The following TNFRSF10C variants were observed in gnomAD, a reference collection of about 807,000 sequenced individuals.
TNFRSF10C encodes TNF receptor superfamily member 10c, also known as tumor necrosis factor receptor superfamily member 10C.
TNFRSF10C carries 17 observed loss-of-function variants against 16.7 expected under a neutral mutation model. That is an observed-to-expected ratio of 1.02 (90% CI 0.70 to 1.53). The LOEUF (loss-of-function observed/expected upper bound fraction) is 1.53, where lower values mean the gene tolerates loss of function less well. Among genes scored for constraint, TNFRSF10C ranks in the 40% most tolerant of loss-of-function variants. The probability of loss-of-function intolerance (pLI) is 0.00; values close to 1 mark genes in which losing one functional copy is unlikely to be tolerated. For missense variants in TNFRSF10C, 237 were observed against 329.7 expected, an observed-to-expected ratio of 0.72 and a Z score of 2.18; for synonymous variants, 73 against 119.7, an observed-to-expected ratio of 0.61 and a Z score of 2.55.
intron 1 of TNFRSF10C, among the ~76,000 whole-genome samples, chr8:23,111,228 T>G (rs1489214748): frequency 6.6e-6 from 1 of 151,994 alleles, no homozygotes; most frequent in Admixed American, 6.6e-5. Context: ...TCTTTTTTTT[T>G]TTTATTTGAG....
Position 23,115,514 on chromosome 8 carries a change from A to G in TNFRSF10C, c.287A>G (p.Lys96Arg), listed in dbSNP as rs1208924815. The G allele has an allele frequency of 6.2e-7, 1 of 1,612,512 alleles. No homozygotes were observed. The highest frequency in any genetic ancestry group is 8.5e-7 in the Non-Finnish European group (1 of 1,179,182). ...FPCTVCKSDQ[K>R]HKSSCTMTRD... ...CCTTATGCTCTGTTGTCAGATCAAA[A>G]ACATAAAAGTTCCTGCACCATGACC... The change falls in exon 4 of 5, where the codon AAA becomes AGA. Residue 96 changes from lysine to arginine, a missense_variant. Around this residue, in one of 2 missense-constraint regions of TNFRSF10C, gnomAD observed 212 missense variants for 196.8 expected, o/e 1.08. Transcript: ENST00000356864.
At chr8:23,106,957 G>A (rs975926125) in intron 1 of TNFRSF10C, among the ~76,000 whole-genome samples, 1 of 151,722 alleles carries the variant, frequency 6.6e-6, no homozygotes, top group Non-Finnish European at 1.5e-5. Flanking sequence ...ATTGTCCTAT[G>A]TTTCCCTGGG....
intron 1 of TNFRSF10C, among the ~76,000 whole-genome samples, chr8:23,111,382 A>T (rs1813874854): frequency 6.6e-6 from 1 of 151,880 alleles, no homozygotes; most frequent in Non-Finnish European, 1.5e-5. Context: ...ACACCCAGCT[A>T]ATTTTTGTAT....
chr8:23,111,520 T>A (rs1365935702), intron 1 of TNFRSF10C, among the ~76,000 whole-genome samples, 200 bp from the exon 2 acceptor site: 5 of 90,192 alleles, frequency 5.5e-5, no homozygotes, highest in Non-Finnish European at 8.0e-5. Context: ...TGCCTGTATT[T>A]TTTTTTTTTT....
At position 23,117,107 on chromosome 8, in the gene TNFRSF10C, G is replaced by A. The variant is rs1814004611; in HGVS notation, c.*76G>A. On this transcript the variant is annotated 3_prime_UTR_variant, in exon 5 of 5. Transcript: ENST00000356864. Reference sequence around the variant, plus strand: ...GCGCTGGCTGAGGGCGGGGGGCGCTGGACACTCTCTGCCCTGCCTCCCTCT... The same window carrying A: ...GCGCTGGCTGAGGGCGGGGGGCGCTAGACACTCTCTGCCCTGCCTCCCTCT... 40 of 1,561,686 alleles carry A rather than the reference G, an allele frequency of 2.6e-5. No homozygotes were observed. Among genetic ancestry groups the A allele is most frequent in the Non-Finnish European group, 3.3e-5 (38 of 1,156,930 alleles).
intron 2 of TNFRSF10C, among the ~76,000 whole-genome samples, chr8:23,113,979 A>G (rs942527548): frequency 1.3e-5 from 2 of 152,040 alleles, no homozygotes; most frequent in Non-Finnish European, 2.9e-5. Flanking sequence ...AGACACATGA[A>G]TATACATAAC....
At chr8:23,116,506 A>T (rs1585249807) in intron 4 of TNFRSF10C, 135 bp from the exon 5 acceptor site, 2 of 1,258,252 alleles carry the variant, frequency 1.6e-6, no homozygotes, top group East Asian at 4.8e-5. Context: ...AACTTGGGGG[A>T]CCCCCTCCAG....
chr8:23,113,918 T>G (rs1421277222), intron 2 of TNFRSF10C, among the ~76,000 whole-genome samples: 1 of 148,816 alleles, frequency 6.7e-6, no homozygotes, highest in Non-Finnish European at 1.5e-5. Context: ...ATTGTGCCAC[T>G]GCACTCCAGC....
intron 1 of TNFRSF10C, among the ~76,000 whole-genome samples, chr8:23,103,799 G>A (rs1335635935): frequency 6.6e-6 from 1 of 152,214 alleles, no homozygotes; most frequent in East Asian, 1.9e-4. Flanking sequence ...AAGTTGTTGT[G>A]AGTTGGCTTT....
chr8:23,116,991 G>A lies in TNFRSF10C; in HGVS notation c.740G>A (p.Gly247Glu), dbSNP rs1563346474. ...SSHYLSCTIV[G>E]IIVLIVLLIV... The stretch of plus-strand genomic sequence containing the variant: ...CATTACCTCTCATGCACCATCGTAG[G>A]GATCATAGTTCTAATTGTGCTTCTG... Residue 247 changes from glycine (G) to glutamate (E), a missense_variant, in exon 5 of 5, where the codon GGG (glycine) becomes GAG (glutamate). Physicochemically the swap from Gly to Glu is moderately conservative, Grantham distance 98. This residue lies in a region of TNFRSF10C where 25 missense variants were observed against 133.0 expected (regional missense o/e 0.19). Transcript: ENST00000356864. 1 of 1,614,122 alleles carries A rather than the reference G, an allele frequency of 6.2e-7. No individual in the cohort carries two copies. The highest frequency in any genetic ancestry group is 8.5e-7 in the Non-Finnish European group (1 of 1,180,014).
At position 23,117,290 on chromosome 8, in the gene TNFRSF10C, A is replaced by G. The variant is rs796752606; in HGVS notation, c.*259A>G. 40 of 578,480 alleles carry G rather than the reference A, an allele frequency of 6.9e-5. 1 individual carries two copies. In the South Asian group the frequency reaches 8.4e-4, roughly 12 times the overall value. The allele number at this position is 578,480 out of a possible 1,614,324, so 35.8% of individuals were successfully genotyped here. ...CCCTCTCCTGGAGCTGGGGGTCCAC[A>G]CATCTCCCAGCCAAGTCCAAGAGGG... On this transcript the variant is annotated 3_prime_UTR_variant, in exon 5 of 5. Coordinates refer to ENST00000356864, the MANE Select transcript of TNFRSF10C (RefSeq NM_003841.5).
intron 4 of TNFRSF10C, among the ~76,000 whole-genome samples, chr8:23,115,850 C>T (rs1018964006): frequency 6.6e-6 from 1 of 152,104 alleles, no homozygotes; most frequent in Non-Finnish European, 1.5e-5. Context: ...TCCCCTTGGC[C>T]AGACCAACTT....
At chr8:23,115,726 GTGTC>G in intron 4 of TNFRSF10C, 110 bp downstream of exon 4, 1 of 805,478 alleles carries the variant, frequency 1.2e-6, no homozygotes, top group African/African-American at 1.7e-5. Context: ...GACCCATGGG[GTGTC>G]CCTGAGCCTG....
chr8:23,104,171 C>T (rs936011102), intron 1 of TNFRSF10C, among the ~76,000 whole-genome samples: 2 of 152,190 alleles, frequency 1.3e-5, no homozygotes, highest in African/African-American at 4.8e-5. Flanking sequence ...GCATGGATGA[C>T]CAGTGTAGAC....
In TNFRSF10C at chr8:23,111,717, C is replaced by T. The variant is rs1813880646; in HGVS notation, c.61-3C>T. ...CACACCCATCACTCCTTTGTCCCCA[C>T]AGGTCCTAGCTTACTCTGCCACCAC... On this transcript the variant is annotated splice_region_variant and splice_polypyrimidine_tract_variant and intron_variant, in intron 1 of 4. Transcript: ENST00000356864. 5 of 1,613,654 alleles carry T rather than the reference C, an allele frequency of 3.1e-6. No individual in the cohort carries two copies. Among genetic ancestry groups the T allele is most frequent in the Non-Finnish European group, 3.4e-6 (4 of 1,179,750 alleles).
chr8:23,107,362 C>A (rs567366262), intron 1 of TNFRSF10C, among the ~76,000 whole-genome samples: 1 of 152,284 alleles, frequency 6.6e-6, no homozygotes, highest in African/African-American at 2.4e-5. Context: ...GAGAGGATTA[C>A]ATTGAAGAAT....
chr8:23,109,126 C>A (rs12545386), intron 1 of TNFRSF10C, among the ~76,000 whole-genome samples: 1 of 151,556 alleles, frequency 6.6e-6, no homozygotes, highest in Non-Finnish European at 1.5e-5. Context: ...TATTAAAAAA[C>A]TGGGGGTTAG....
intron 1 of TNFRSF10C, among the ~76,000 whole-genome samples, chr8:23,107,962 G>C (rs972360853): frequency 4.6e-5 from 7 of 152,192 alleles, no homozygotes; most frequent in East Asian, 1.9e-4. Context: ...CTCAGTATCA[G>C]ATGAAGTTGA....
At chr8:23,113,417 T>A (rs1004751461) in intron 2 of TNFRSF10C, among the ~76,000 whole-genome samples, 5 of 152,188 alleles carry the variant, frequency 3.3e-5, no homozygotes, top group Non-Finnish European at 5.9e-5. Context: ...CTTGTGGTAG[T>A]TTTACCATTT....
Sources: allele counts gnomAD v4.1 joint callset (sites outside exome capture counted in the v4.1 genomes callset), GRCh38; gene constraint gnomAD v4.1.1; regional missense constraint gnomAD v4.1.1; transcripts MANE v1.5; gene names NCBI Gene and HGNC (gene_info 2026-07-23, HGNC 2026-07-21).